The following ZDHHC14 variants were observed in gnomAD, a reference collection of about 807,000 sequenced individuals.
The protein encoded by ZDHHC14 is palmitoyltransferase ZDHHC14.
Under a neutral mutation model 47.7 loss-of-function variants are expected in ZDHHC14, and 16 were observed. The ratio of observed to expected loss-of-function variants is 0.34; its 90% confidence interval spans 0.23 to 0.51. The LOEUF is 0.51. Ranked by LOEUF, ZDHHC14 falls within the 20% of genes least tolerant of loss-of-function variation. The pLI is 0.97. For synonymous variants in ZDHHC14, 293 were observed against 278.9 expected (o/e 1.05, Z -0.50); for missense variants, 515 against 662.5 (o/e 0.78, Z 2.44).
rs560656071 is a variant in ZDHHC14, at chr6:157,552,666, A to G, written c.406+9921A>G. ...GGGAAGACTGAGCAGGTGCAACGGC[A>G]TGGAAAAGAGTCCCAGCCATGCTGA... On this transcript the variant is annotated intron_variant, in intron 2 of 8. Transcript: ENST00000359775. Among the ~76,000 whole-genome samples, 3 of 152,282 alleles carry G rather than the reference A, an allele frequency of 2.0e-5. No homozygotes were observed. In the South Asian group the frequency reaches 6.2e-4, roughly 32 times the overall value.
chr6:157,558,305 C>G (rs1782562649), intron 2 of ZDHHC14, among the ~76,000 whole-genome samples: 1 of 151,310 alleles, frequency 6.6e-6, no homozygotes, highest in Non-Finnish European at 1.5e-5. Flanking sequence ...TTCATGTCCC[C>G]CTGATCCCCT....
chr6:157,413,934 A>G (rs1305012143), intron 1 of ZDHHC14, among the ~76,000 whole-genome samples: 1 of 151,608 alleles, frequency 6.6e-6, no homozygotes, highest in African/African-American at 2.4e-5. Flanking sequence ...TATTATTATT[A>G]TTATTATTAT....
chr6:157,487,112 C>G (rs746100221), intron 1 of ZDHHC14, among the ~76,000 whole-genome samples: 3 of 152,246 alleles, frequency 2.0e-5, no homozygotes, highest in Non-Finnish European at 2.9e-5. Context: ...AGCTCTTCCT[C>G]TCTGTCTCCC....
At chr6:157,597,684 G>A (rs771735881) in intron 3 of ZDHHC14, among the ~76,000 whole-genome samples, 4 of 152,224 alleles carry the variant, frequency 2.6e-5, no homozygotes, top group South Asian at 2.1e-4. Context: ...TGGGCACTGG[G>A]ACTGTCTCTG....
chr6:157,670,614 A>G (rs1322366677), intron 8 of ZDHHC14, among the ~76,000 whole-genome samples: 1 of 152,018 alleles, frequency 6.6e-6, no homozygotes, highest in Non-Finnish European at 1.5e-5. Flanking sequence ...GTAGTTTCTA[A>G]TGGCCTTTCC....
intron 1 of ZDHHC14, among the ~76,000 whole-genome samples, chr6:157,383,168 A>G (rs750715260): frequency 4.5e-4 from 69 of 152,260 alleles, no homozygotes; most frequent in African/African-American, 1.5e-3. Context: ...TAGATAAAGC[A>G]GTTAAACCAC....
chr6:157,486,938 G>A (rs1031812901), intron 1 of ZDHHC14, among the ~76,000 whole-genome samples: 1 of 152,376 alleles, frequency 6.6e-6, no homozygotes, highest in East Asian at 1.9e-4. Flanking sequence ...GGCAGTGGCT[G>A]CTGTTGCCTG....
Position 157,593,901 on chromosome 6 carries a change from CA to C in ZDHHC14, c.565+756del, listed in dbSNP as rs1314633883. Among the ~76,000 whole-genome samples the C allele has an allele frequency of 2.6e-5, 4 of 152,210 alleles. No individual in the cohort carries two copies. The South Asian group carries it at 8.3e-4, about 32-fold the overall frequency. The stretch of plus-strand genomic sequence containing the variant: ...AGAGATGAGGTTGGCAAGGAGATGG[CA>C]GAACACCCAAGTGACAGGAAGGGAA... On this transcript the variant is annotated intron_variant, in intron 3 of 8. Coordinates refer to ENST00000359775, the MANE Select transcript of ZDHHC14 (RefSeq NM_024630.3).
chr6:157,535,463 G>C (rs770691443), intron 1 of ZDHHC14, among the ~76,000 whole-genome samples: 2 of 152,182 alleles, frequency 1.3e-5, no homozygotes, highest in Non-Finnish European at 2.9e-5. Flanking sequence ...GTTGAGCTTT[G>C]ATGAAACTGA....
At chr6:157,610,213 G>C (rs925229964) in intron 3 of ZDHHC14, among the ~76,000 whole-genome samples, 1 of 152,216 alleles carries the variant, frequency 6.6e-6, no homozygotes, top group African/African-American at 2.4e-5. Flanking sequence ...GGGAGGCCGA[G>C]GCAGGCGGAT....
At chr6:157,416,496 CA>C (rs570453755) in intron 1 of ZDHHC14, among the ~76,000 whole-genome samples, 1 of 147,472 alleles carries the variant, frequency 6.8e-6, no homozygotes, top group Admixed American at 6.8e-5. Context: ...GACCTTCTAT[CA>C]AAAAAAAACA....
chr6:157,450,998 T>TTGTGTGTGTGTGTGTGTGTG lies in ZDHHC14; in HGVS notation c.245+68746_245+68765dup, dbSNP rs34066002. Among the ~76,000 whole-genome samples, 174 of 147,628 alleles carry TTGTGTGTGTGTGTGTGTGTG rather than the reference T, an allele frequency of 1.2e-3. 1 individual carries two copies. The highest frequency in any genetic ancestry group is 3.5e-3 in the Middle Eastern group (1 of 286). On this transcript the variant is annotated intron_variant, in intron 1 of 8. Coordinates refer to ENST00000359775, the MANE Select transcript of ZDHHC14 (RefSeq NM_024630.3). ...AAATTTTGATGTCAAAAGTCTGGTC[T>TTGTGTGTGTGTGTGTGTGTG]TGTGTGTGTGTGTGTGTGTGTGTGT...
At chr6:157,559,016 A>C (rs1194322364) in intron 2 of ZDHHC14, among the ~76,000 whole-genome samples, 4 of 152,168 alleles carry the variant, frequency 2.6e-5, no homozygotes, top group Non-Finnish European at 5.9e-5. Context: ...CTCAAAACAC[A>C]CAAACAATGA....
chr6:157,662,931 T>G (rs1349011846), intron 8 of ZDHHC14, among the ~76,000 whole-genome samples: 1 of 152,274 alleles, frequency 6.6e-6, no homozygotes, highest in Admixed American at 6.5e-5. Context: ...TGTGTTAACT[T>G]CATTAATTGT....
intron 1 of ZDHHC14, among the ~76,000 whole-genome samples, chr6:157,441,234 T>C (rs17165333): frequency 0.72 from 109,260 of 152,108 alleles, 39,237 homozygotes; most frequent in Middle Eastern, 0.77. Flanking sequence ...TGGCTCAGAT[T>C]TTTGTAGGCT....
chr6:157,432,478 C>A (rs1023292561), intron 1 of ZDHHC14, among the ~76,000 whole-genome samples: 2 of 152,138 alleles, frequency 1.3e-5, no homozygotes, highest in African/African-American at 2.4e-5. Flanking sequence ...GTAGTTGTGC[C>A]AATGGTGTGA....
intron 1 of ZDHHC14, among the ~76,000 whole-genome samples, chr6:157,420,169 A>C (rs999190709): frequency 6.6e-5 from 10 of 152,064 alleles, no homozygotes; most frequent in African/African-American, 2.4e-4. Context: ...AGGTATAGTC[A>C]TTGAAGGGGT....
intron 1 of ZDHHC14, among the ~76,000 whole-genome samples, chr6:157,461,749 G>T (rs908072432): frequency 5.9e-5 from 9 of 152,170 alleles, no homozygotes; most frequent in Admixed American, 5.9e-4. Flanking sequence ...TGGCAATGTG[G>T]TGATACCCTC....
chr6:157,462,940 CACAGAATT>C (rs777298433), intron 1 of ZDHHC14, among the ~76,000 whole-genome samples: 3 of 152,210 alleles, frequency 2.0e-5, no homozygotes, highest in Non-Finnish European at 2.9e-5. Context: ...CTGTGACCCT[CACAGAATT>C]ACCAAGAATA....
Sources: allele counts gnomAD v4.1 joint callset (sites outside exome capture counted in the v4.1 genomes callset), GRCh38; gene constraint gnomAD v4.1.1; transcripts MANE v1.5; gene names NCBI Gene and HGNC (gene_info 2026-07-23, HGNC 2026-07-21).